The following DTWD2 variants were observed in gnomAD, a reference collection of about 807,000 sequenced individuals.
The protein encoded by DTWD2 is DTW motif tRNA-uridine aminocarboxypropyltransferase 2.
Under a neutral mutation model 31.8 loss-of-function variants are expected in DTWD2, and 39 were observed. The observed-to-expected ratio is 1.22, with a 90% CI of 0.95 to 1.60. The LOEUF (loss-of-function observed/expected upper bound fraction) is 1.60. Ranked by LOEUF, DTWD2 falls within the 40% of genes most tolerant of loss-of-function variation. The pLI is 0.00. For missense variants in DTWD2, 515 were observed against 381.5 expected, an observed-to-expected ratio of 1.35 and a Z score of -2.92; for synonymous variants, 180 against 142.8, an observed-to-expected ratio of 1.26 and a Z score of -1.86.
At chr5:118,866,320 C>A (rs1270351735) in intron 4 of DTWD2, among the ~76,000 whole-genome samples, 1 of 152,042 alleles carries the variant, frequency 6.6e-6, no homozygotes, top group Non-Finnish European at 1.5e-5. Flanking sequence ...TCAAAAGCAT[C>A]CAAACTTTCA....
At chr5:118,951,112 A>G (rs1217334829) in intron 1 of DTWD2, among the ~76,000 whole-genome samples, 1 of 152,150 alleles carries the variant, frequency 6.6e-6, no homozygotes, top group African/African-American at 2.4e-5. Context: ...AGGAGCAATA[A>G]CCTTGACCAT....
intron 1 of DTWD2, among the ~76,000 whole-genome samples, chr5:118,964,570 C>T (rs1025942626): frequency 1.3e-5 from 2 of 152,226 alleles, no homozygotes; most frequent in Non-Finnish European, 2.9e-5. Flanking sequence ...CTGCCGAATG[C>T]CTGCGATTGC....
intron 1 of DTWD2, among the ~76,000 whole-genome samples, chr5:118,985,651 G>C (rs1182887537): frequency 6.6e-6 from 1 of 151,364 alleles, no homozygotes; most frequent in African/African-American, 2.4e-5. Flanking sequence ...CTTACTCCAC[G>C]ACGGCCTAAT....
intron 1 of DTWD2, among the ~76,000 whole-genome samples, chr5:118,951,808 T>C (rs1311893208): frequency 6.6e-6 from 1 of 151,440 alleles, no homozygotes; most frequent in Non-Finnish European, 1.5e-5. Context: ...CTCGGGGAGG[T>C]AGTGCTTGCC....
Position 118,913,432 on chromosome 5 carries a change from T to TATATAGATATATATATATAC in DTWD2, c.597+15104_597+15105insGTATATATATATATCTATAT, listed in dbSNP as rs1554066461. Among the ~76,000 whole-genome samples, 22 of 137,714 alleles carry TATATAGATATATATATATAC rather than the reference T, an allele frequency of 1.6e-4. No individual in the cohort carries two copies. In the East Asian group the frequency reaches 2.5e-3, roughly 15 times the overall value. The allele number at this position is 137,714 out of a possible 152,430, so 90.3% of individuals were successfully genotyped here. A position where few individuals can be genotyped will look rare whatever the true frequency, so the allele number is the denominator to read the frequency against. ...ATAGATATATATAGATATATATATA[T>TATATAGATATATATATATAC]ACACACACACACACACACGTGTGTG... On this transcript the variant is annotated intron_variant, in intron 4 of 5. Coordinates refer to ENST00000510708, the MANE Select transcript of DTWD2 (RefSeq NM_173666.4).
intron 4 of DTWD2, among the ~76,000 whole-genome samples, chr5:118,864,070 A>C (rs1257758822): frequency 1.5e-5 from 1 of 68,234 alleles, no homozygotes; most frequent in East Asian, 2.3e-4. Flanking sequence ...GATGTTCTGC[A>C]AAACCCACAT....
rs1751658555 is a variant in DTWD2 at position 118,839,524 on chromosome 5, A to T, written c.*1393T>A. ...TGCACACCACCACATCTGGCTAATT[A>T]TTTTTTTTTTAATTTTGTATGGAGA... On this transcript the variant is annotated 3_prime_UTR_variant, in exon 6 of 6. Transcript: ENST00000510708. 6.7e-6 allele frequency: 1 copy of T among 149,230 alleles called. No homozygotes were observed. The highest frequency in any genetic ancestry group is 2.5e-5 in the African/African-American group (1 of 40,584). 9.2% of individuals were successfully genotyped at this position (149,230 alleles called of 1,614,324 possible). A position where few individuals can be genotyped will look rare whatever the true frequency, so the allele number is the denominator to read the frequency against.
chr5:118,907,674 T>C (rs1030879767), intron 4 of DTWD2, among the ~76,000 whole-genome samples: 17 of 150,324 alleles, frequency 1.1e-4, no homozygotes, highest in African/African-American at 2.5e-5. Flanking sequence ...AAGACTGCAG[T>C]GAGCCAAGAT....
chr5:118,951,615 AAAT>A (rs1754466935), intron 1 of DTWD2, among the ~76,000 whole-genome samples: 1 of 152,182 alleles, frequency 6.6e-6, no homozygotes, highest in African/African-American at 2.4e-5. Context: ...TTGCAGAAGA[AAAT>A]AAGGCATTTA....
intron 4 of DTWD2, among the ~76,000 whole-genome samples, chr5:118,874,198 A>G (rs1430985132): frequency 1.3e-5 from 2 of 152,190 alleles, no homozygotes; most frequent in Non-Finnish European, 2.9e-5. Flanking sequence ...AAGAAAACCC[A>G]TCCAAGGGTG....
rs752611041 is a variant in DTWD2, at chr5:118,988,376, C to T, written c.136G>A (p.Glu46Lys). ...AVPAAAALGA[E>K]ADDDSADGLW... Reference sequence around the variant, plus strand: ...CCGTCCGCACTGTCGTCGTCCGCCTCTGCGCCCAGGGCAGCCGCCGCCGGC... The same window carrying T: ...CCGTCCGCACTGTCGTCGTCCGCCTTTGCGCCCAGGGCAGCCGCCGCCGGC... The change falls in exon 1 of 6, where the codon GAG (glutamate) becomes AAG (lysine). Residue 46 changes from glutamate to lysine, a missense_variant. Physicochemically the swap from Glu to Lys is moderately conservative, Grantham distance 56. Transcript: ENST00000510708. 4.4e-6 allele frequency: 7 copies of T among 1,581,028 alleles called. No individual in the cohort carries two copies. Among genetic ancestry groups the T allele is most frequent in the East Asian group, 4.6e-5 (2 of 43,066 alleles).
intron 1 of DTWD2, among the ~76,000 whole-genome samples, chr5:118,962,688 C>A (rs1199870556): frequency 1.3e-5 from 2 of 152,136 alleles, no homozygotes; most frequent in Non-Finnish European, 2.9e-5. Context: ...CAGGTAAAGA[C>A]AAAGAATTTA....
intron 4 of DTWD2, among the ~76,000 whole-genome samples, chr5:118,878,951 C>T (rs779253240): frequency 9.2e-5 from 14 of 152,114 alleles, no homozygotes; most frequent in South Asian, 2.1e-4. Flanking sequence ...CCATCTCACA[C>T]CAATCAAAAT....
chr5:118,903,108 C>A (rs1753253054), intron 4 of DTWD2, among the ~76,000 whole-genome samples: 1 of 146,446 alleles, frequency 6.8e-6, no homozygotes, highest in Non-Finnish European at 1.5e-5. Context: ...CATTTTTCAC[C>A]AAAAATTTGT....
At chr5:118,973,963 G>C in intron 1 of DTWD2, 1 of 1,584,316 alleles carries the variant, frequency 6.3e-7, no homozygotes, top group Admixed American at 1.7e-5. Flanking sequence ...ATGAAGAAGA[G>C]GAAGAAGGTG....
intron 4 of DTWD2, among the ~76,000 whole-genome samples, chr5:118,888,570 T>C (rs1267289247): frequency 6.6e-6 from 1 of 152,236 alleles, no homozygotes; most frequent in African/African-American, 2.4e-5. Context: ...AGCATTTACA[T>C]GCAAGTCTTT....
intron 1 of DTWD2, among the ~76,000 whole-genome samples, chr5:118,963,586 G>C (rs187095411): frequency 6.6e-6 from 1 of 152,134 alleles, no homozygotes; most frequent in Non-Finnish European, 1.5e-5. Context: ...AGACAGACAT[G>C]TTAAAAATAT....
intron 4 of DTWD2, among the ~76,000 whole-genome samples, chr5:118,850,691 C>T (rs915881410): frequency 2.6e-5 from 4 of 152,006 alleles, no homozygotes; most frequent in African/African-American, 9.6e-5. Context: ...TAAAAAGCTT[C>T]TGCAAGGAAA....
chr5:118,970,683 A>C (rs1339125593), intron 1 of DTWD2, among the ~76,000 whole-genome samples: 1 of 152,174 alleles, frequency 6.6e-6, no homozygotes, highest in Non-Finnish European at 1.5e-5. Flanking sequence ...CAAGACACGT[A>C]ATCAACAGAT....
Sources: allele counts gnomAD v4.1 joint callset (sites outside exome capture counted in the v4.1 genomes callset), GRCh38; gene constraint gnomAD v4.1.1; transcripts MANE v1.5; gene names NCBI Gene and HGNC (gene_info 2026-07-23, HGNC 2026-07-21).